PHIP: variants seen among roughly 807,000 people sequenced by gnomAD.
PHIP encodes PH-interacting protein.
In PHIP, 54 loss-of-function variants were observed where a neutral mutation model predicts 236.8. That is an observed-to-expected ratio of 0.23 (90% CI 0.18 to 0.29). The LOEUF (loss-of-function observed/expected upper bound fraction) is 0.29. Among genes scored for constraint, PHIP ranks in the 10% least tolerant of loss-of-function variants. The pLI is 1.00. For missense variants in PHIP, 1,370 were observed against 2,190.8 expected (o/e 0.63, Z 7.48); for synonymous variants, 756 against 718.9 (o/e 1.05, Z -0.83).
intron 20 of PHIP, 92 bp downstream of exon 20, chr6:78,990,776 T>C: frequency 1.5e-6 from 1 of 665,000 alleles, no homozygotes; most frequent in Non-Finnish European, 2.6e-6. Flanking sequence ...ATTAACCTGT[T>C]TATAATACCA....
chr6:78,953,816 C>T (rs533078332), intron 35 of PHIP, among the ~76,000 whole-genome samples: 1 of 152,174 alleles, frequency 6.6e-6, no homozygotes, highest in Admixed American at 6.5e-5. Flanking sequence ...GAACTCCTGG[C>T]CTCAGGTGAT....
intron 9 of PHIP, among the ~76,000 whole-genome samples, chr6:79,019,954 T>C (rs1453021222): frequency 6.6e-6 from 1 of 152,160 alleles, no homozygotes; most frequent in East Asian, 1.9e-4. Flanking sequence ...ACTGATTATA[T>C]TTGAAGCCCT....
chr6:79,057,300 A>C (rs555359665), intron 6 of PHIP, among the ~76,000 whole-genome samples: 1 of 152,280 alleles, frequency 6.6e-6, no homozygotes, highest in African/African-American at 2.4e-5. Flanking sequence ...TCCTGGAATA[A>C]GAAAACGTAA....
At position 78,952,602 on chromosome 6, in the gene PHIP, CTCTT is replaced by C. The variant is rs1456028284; in HGVS notation, c.4053+2208_4053+2211del. On this transcript the variant is annotated intron_variant, in intron 35 of 39. Transcript: ENST00000275034. ...TTACCCTCTCCTTCACACTCTTAAT[CTCTT>C]TATCATTCTGTGTGGGATTCTATAG... Among the ~76,000 whole-genome samples the C allele has an allele frequency of 4.6e-5, 7 of 152,068 alleles. No individual in the cohort carries two copies. In the South Asian group the frequency reaches 6.2e-4, roughly 14 times the overall value.
chr6:78,946,273 T>G lies in PHIP; in HGVS notation c.4371-13A>C, dbSNP rs1441165831. On this transcript the variant is annotated splice_polypyrimidine_tract_variant and intron_variant, in intron 37 of 39. Coordinates refer to ENST00000275034, the MANE Select transcript of PHIP (RefSeq NM_017934.7). Reference sequence around the variant, plus strand: ...TTTCCTTTCAGGGCTGTAAATAAAATAGTATTGTCAGTCACTCTTATAGCT... The same window carrying G: ...TTTCCTTTCAGGGCTGTAAATAAAAGAGTATTGTCAGTCACTCTTATAGCT... 1.2e-6 allele frequency: 2 copies of G among 1,607,254 alleles called. No homozygotes were observed. The highest frequency in any genetic ancestry group is 1.7e-6 in the Non-Finnish European group (2 of 1,176,214).
At chr6:78,947,377 A>G (rs1773882576) in intron 36 of PHIP, among the ~76,000 whole-genome samples, 1 of 152,230 alleles carries the variant, frequency 6.6e-6, no homozygotes, top group South Asian at 2.1e-4. Context: ...GGTGCATACC[A>G]GGACAATTTG....
At chr6:79,033,981 A>G (rs1419594464) in intron 7 of PHIP, among the ~76,000 whole-genome samples, 1 of 152,190 alleles carries the variant, frequency 6.6e-6, no homozygotes, top group African/African-American at 2.4e-5. Context: ...CAATCAGAAC[A>G]CATGCAACAT....
At chr6:79,054,644 T>C (rs1172052802) in intron 6 of PHIP, among the ~76,000 whole-genome samples, 2 of 151,156 alleles carry the variant, frequency 1.3e-5, no homozygotes, top group African/African-American at 4.8e-5. Context: ...ATTAAAATTA[T>C]GTAATCTCAT....
chr6:79,052,241 G>A (rs929913064), intron 6 of PHIP, among the ~76,000 whole-genome samples: 4 of 152,166 alleles, frequency 2.6e-5, no homozygotes, highest in African/African-American at 9.7e-5. Flanking sequence ...ACTAAGACCT[G>A]AAAAATGAAC....
At chr6:79,052,683 C>A (rs540935347) in intron 6 of PHIP, among the ~76,000 whole-genome samples, 1 of 152,254 alleles carries the variant, frequency 6.6e-6, no homozygotes, top group South Asian at 2.1e-4. Context: ...ATTTAATCAG[C>A]TTGACACCAA....
At chr6:79,025,485 C>G in intron 9 of PHIP, 34 bp downstream of exon 9, 1 of 1,258,060 alleles carries the variant, frequency 7.9e-7, no homozygotes, top group South Asian at 1.2e-5. Context: ...TTAAACTAAA[C>G]ACATTTAATC....
chr6:78,957,544 A>C (rs184782793), intron 32 of PHIP: 1 of 151,612 alleles, frequency 6.6e-6, no homozygotes, highest in East Asian at 1.9e-4. Flanking sequence ...CTCAAAGATT[A>C]TGTCCATTAA....
intron 37 of PHIP, 74 bp downstream of exon 37, chr6:78,946,637 T>C: frequency 6.8e-7 from 1 of 1,471,366 alleles, no homozygotes; most frequent in Non-Finnish European, 8.9e-7. Context: ...AAAGGAAGTA[T>C]TAAAAAACAC....
At chr6:79,007,588 T>C (rs536992777) in intron 15 of PHIP, among the ~76,000 whole-genome samples, 1 of 151,480 alleles carries the variant, frequency 6.6e-6, no homozygotes, top group Admixed American at 6.6e-5. Context: ...ATATGGGCTA[T>C]CTTAGGCAGA....
Position 78,990,978 on chromosome 6 carries a change from C to T in PHIP, c.2209G>A (p.Glu737Lys), listed in dbSNP as rs1582180933. Residue 737 changes from glutamate to lysine, a missense_variant, in exon 20 of 40, where the codon GAA becomes AAA. Around this residue, in one of 14 missense-constraint regions of PHIP, gnomAD observed 133 missense variants for 245.2 expected, o/e 0.54. Transcript: ENST00000275034. ...ELSAGVASRQ[E>K]EWRTAKGEEE... ...TCTCCCTTTGCAGTTCTCCATTCTT[C>T]TTGCCTACTGAAAGACAAAAGCCAT... The T allele has an allele frequency of 6.3e-7, 1 of 1,596,348 alleles. No homozygotes were observed. The highest frequency in any genetic ancestry group is 8.6e-7 in the Non-Finnish European group (1 of 1,167,402).
At chr6:78,970,931 T>C (rs549202918) in intron 24 of PHIP, 43 bp from the exon 25 acceptor site, 2 of 1,312,554 alleles carry the variant, frequency 1.5e-6, no homozygotes, top group South Asian at 2.6e-5. Flanking sequence ...ATGTGTTTCC[T>C]TTAATCCAAT....
rs905369874 is a variant in PHIP at position 78,938,607 on chromosome 6, A to G, written c.*2086T>C. The G allele has an allele frequency of 3.3e-5, 5 of 151,696 alleles. No homozygotes were observed. The highest frequency in any genetic ancestry group is 7.4e-5 in the Non-Finnish European group (5 of 67,608). The allele number at this position is 151,696 out of a possible 1,614,324, so 9.4% of individuals were successfully genotyped here. A position where few individuals can be genotyped will look rare whatever the true frequency, so the allele number is the denominator to read the frequency against. On this transcript the variant is annotated 3_prime_UTR_variant, in exon 40 of 40. Coordinates refer to ENST00000275034, the MANE Select transcript of PHIP (RefSeq NM_017934.7). ...CAAGAATGGTGTAACTGAAAGACTC[A>G]TTTTTCTATACAATCAAGCCATCCA...
chr6:78,936,644 T>C lies in PHIP; in HGVS notation c.*4049A>G, dbSNP rs1309230403. 2.6e-5 allele frequency: 4 copies of C among 152,012 alleles called. No individual in the cohort carries two copies. The East Asian group carries it at 7.7e-4, about 29-fold the overall frequency. The allele number at this position is 152,012 out of a possible 1,614,324, so 9.4% of individuals were successfully genotyped here. A position where few individuals can be genotyped will look rare whatever the true frequency, so the allele number is the denominator to read the frequency against. On this transcript the variant is annotated 3_prime_UTR_variant, in exon 40 of 40. Transcript: ENST00000275034. ...AAAAAAGTATTTCAACACAGAGCTA[T>C]CAAAACTAAAAATAATATCTATTTA...
chr6:79,077,366 G>T, intron 4 of PHIP, 82 bp downstream of exon 4: 1 of 1,291,192 alleles, frequency 7.7e-7, no homozygotes, highest in Non-Finnish European at 1.1e-6. Context: ...CCAAGTTTTT[G>T]TCTCTGTAAA....
Sources: allele counts gnomAD v4.1 joint callset (sites outside exome capture counted in the v4.1 genomes callset), GRCh38; gene constraint gnomAD v4.1.1; regional missense constraint gnomAD v4.1.1; transcripts MANE v1.5; gene names NCBI Gene and HGNC (gene_info 2026-07-23, HGNC 2026-07-21).